The following CFAP221 variants were observed in gnomAD, a reference collection of about 807,000 sequenced individuals.
The protein encoded by CFAP221 is cilia- and flagella-associated protein 221.
Under a neutral mutation model 113.1 loss-of-function variants are expected in CFAP221, and 97 were observed. The observed-to-expected ratio is 0.86, with a 90% confidence interval of 0.73 to 1.02. CFAP221 has a LOEUF of 1.02. Ranked by LOEUF, CFAP221 falls within the 50% of genes least tolerant of loss-of-function variation. The pLI, the probability that CFAP221 is intolerant of heterozygous loss-of-function variation, is 0.00. For missense variants in CFAP221, 1,025 were observed against 1,013.4 expected, an observed-to-expected ratio of 1.01 and a Z score of -0.16; for synonymous variants, 331 against 354.4, an observed-to-expected ratio of 0.93 and a Z score of 0.74.
chr2:119,615,647 A>G lies in CFAP221; in HGVS notation c.1348A>G (p.Ile450Val). 1 of 1,612,542 alleles carries G rather than the reference A, an allele frequency of 6.2e-7. No homozygotes were observed. Among genetic ancestry groups the G allele is most frequent in the Non-Finnish European group, 8.5e-7 (1 of 1,179,346 alleles). ...ATTTCATCCTACTTTTGATCCACTC[A>G]TTAATAACACTTGGCTCAGCAGGTC... The part of the protein sequence containing the change: ...KEFHPTFDPL[I>V]NNTWLSRSRA... The change falls in exon 14 of 24, where the codon ATT (isoleucine) becomes GTT (valine). Residue 450 changes from isoleucine to valine, a missense_variant. Coordinates refer to ENST00000413369, the MANE Select transcript of CFAP221 (RefSeq NM_001271049.2).
chr2:119,607,360 T>C (rs1313891361), intron 11 of CFAP221, among the ~76,000 whole-genome samples: 1 of 152,158 alleles, frequency 6.6e-6, no homozygotes, highest in African/African-American at 2.4e-5. Flanking sequence ...ATCATACCAT[T>C]TGTATTTAGC....
At chr2:119,575,951 A>G (rs949535048) in intron 6 of CFAP221, among the ~76,000 whole-genome samples, 1 of 151,948 alleles carries the variant, frequency 6.6e-6, no homozygotes, top group Non-Finnish European at 1.5e-5. Flanking sequence ...TTTGTTCCCT[A>G]GTGTCTTCAG....
chr2:119,620,821 C>T (rs1685857403), intron 14 of CFAP221, among the ~76,000 whole-genome samples: 1 of 152,040 alleles, frequency 6.6e-6, no homozygotes, highest in African/African-American at 2.4e-5. Flanking sequence ...AGTCAAGACC[C>T]ATCAGTGTGG....
chr2:119,617,376 G>C (rs1444694364), intron 14 of CFAP221, among the ~76,000 whole-genome samples: 1 of 152,178 alleles, frequency 6.6e-6, no homozygotes, highest in Non-Finnish European at 1.5e-5. Flanking sequence ...ACATGCTCAG[G>C]GCAGGGAGCA....
chr2:119,558,439 G>A (rs773885362), intron 3 of CFAP221, among the ~76,000 whole-genome samples: 1 of 152,164 alleles, frequency 6.6e-6, no homozygotes, highest in African/African-American at 2.4e-5. Context: ...AACAAGTTTC[G>A]TAAGAAAGGG....
chr2:119,568,128 T>C (rs1681778690), intron 6 of CFAP221, among the ~76,000 whole-genome samples: 1 of 152,204 alleles, frequency 6.6e-6, no homozygotes, highest in Non-Finnish European at 1.5e-5. Flanking sequence ...TTCACTTATA[T>C]ATAAGTATAC....
In CFAP221 at chr2:119,631,296, G is replaced by T. The variant is rs573346154; in HGVS notation, c.1974+395G>T. Among the ~76,000 whole-genome samples, 5 of 152,236 alleles carry T rather than the reference G, an allele frequency of 3.3e-5. No homozygotes were observed. In the South Asian group the frequency reaches 1.0e-3, roughly 32 times the overall value. On this transcript the variant is annotated intron_variant, in intron 19 of 23. Coordinates refer to ENST00000413369, the MANE Select transcript of CFAP221 (RefSeq NM_001271049.2). ...GAAAAGTTTCAAGTTAATGTCCTAA[G>T]CTACCCCTTTAAAAAATTAGAAAAA...
Position 119,623,523 on chromosome 2 carries a change from A to G in CFAP221, c.1411-2060A>G, listed in dbSNP as rs578052606. ...CAGAATTAGAAAAAAACTACTTTAA[A>G]TTTCATTTGGAACCAAAAAAGAGCC... On this transcript the variant is annotated intron_variant, in intron 14 of 23. Transcript: ENST00000413369. Among the ~76,000 whole-genome samples the G allele has an allele frequency of 3.9e-5, 6 of 152,350 alleles. No homozygotes were observed. The East Asian group carries it at 1.2e-3, about 29-fold the overall frequency.
intron 6 of CFAP221, 128 bp downstream of exon 6, chr2:119,562,242 A>T: frequency 1.1e-5 from 5 of 453,542 alleles, no homozygotes; most frequent in Admixed American, 4.5e-5. Context: ...TGGACTTGTC[A>T]TTGTAAAAGG....
intron 13 of CFAP221, among the ~76,000 whole-genome samples, chr2:119,614,426 G>A (rs1003246491): frequency 6.6e-6 from 1 of 152,200 alleles, no homozygotes; most frequent in African/African-American, 2.4e-5. Context: ...AATTTATAAA[G>A]GAAAGAGGTT....
At chr2:119,652,877 T>C (rs559213357) in intron 23 of CFAP221, among the ~76,000 whole-genome samples, 25 of 149,968 alleles carry the variant, frequency 1.7e-4, no homozygotes, top group Non-Finnish European at 3.7e-4. Flanking sequence ...TTAAATATGA[T>C]AAAAACAACC....
At chr2:119,566,215 A>C (rs1681612453) in intron 6 of CFAP221, among the ~76,000 whole-genome samples, 1 of 152,168 alleles carries the variant, frequency 6.6e-6, no homozygotes, top group Non-Finnish European at 1.5e-5. Flanking sequence ...TGGAGTAGAA[A>C]AGAAGAGGGG....
chr2:119,617,653 C>A (rs115212048), intron 14 of CFAP221, among the ~76,000 whole-genome samples: 4,209 of 152,314 alleles, frequency 0.028, 73 homozygotes, highest in Non-Finnish European at 0.041. Context: ...CTAATCTCCT[C>A]AACTACAGCC....
chr2:119,601,811 A>G (rs190139678), intron 8 of CFAP221, among the ~76,000 whole-genome samples: 6 of 152,356 alleles, frequency 3.9e-5, no homozygotes, highest in Admixed American at 3.3e-4. Context: ...ATGGCCCACA[A>G]CCTCAAGAGA....
intron 19 of CFAP221, among the ~76,000 whole-genome samples, chr2:119,632,500 T>A (rs76887896): frequency 1.3e-5 from 2 of 152,214 alleles, no homozygotes; most frequent in East Asian, 1.9e-4. Flanking sequence ...CAAATAATGG[T>A]CATCTATTTA....
Position 119,655,385 on chromosome 2 carries a change from C to T in CFAP221, c.2415-977C>T, listed in dbSNP as rs192681689. Among the ~76,000 whole-genome samples the T allele has an allele frequency of 1.1e-4, 17 of 152,268 alleles. 1 individual carries two copies. The highest frequency in any genetic ancestry group is 5.9e-5 in the Non-Finnish European group (4 of 68,014). ...GAGACAGGATCTATATATTTTTAGACATGATTCCATAAAATGGTACCAATT... is the reference window on the plus strand; with the variant it reads ...GAGACAGGATCTATATATTTTTAGATATGATTCCATAAAATGGTACCAATT... On this transcript the variant is annotated intron_variant, in intron 23 of 23. Coordinates refer to ENST00000413369, the MANE Select transcript of CFAP221 (RefSeq NM_001271049.2).
Position 119,626,566 on chromosome 2 carries a change from G to T in CFAP221, c.1516+878G>T, listed in dbSNP as rs368437902. On this transcript the variant is annotated intron_variant, in intron 15 of 23. Transcript: ENST00000413369. The stretch of plus-strand genomic sequence containing the variant: ...CTTGCTGATTGACTGGCTGAATTTG[G>T]TATTTTCTCAACCTAGCATTTGCAC... 6.6e-4 allele frequency among the ~76,000 whole-genome samples: 100 copies of T among 152,206 alleles called. 2 individuals carry two copies. In the South Asian group the frequency reaches 0.02, roughly 30 times the overall value.
chr2:119,627,481 G>C (rs1297869813), intron 15 of CFAP221, among the ~76,000 whole-genome samples, 172 bp from the exon 16 acceptor site: 1 of 149,450 alleles, frequency 6.7e-6, no homozygotes, highest in East Asian at 2.0e-4. Context: ...AACCAGAAAG[G>C]AGGTTGAGGT....
At position 119,605,085 on chromosome 2, in the gene CFAP221, A is replaced by C; in HGVS notation, c.1025-96A>C. The C allele has an allele frequency of 2.8e-6, 4 of 1,452,192 alleles. No individual in the cohort carries two copies. The South Asian group carries it at 4.6e-5, about 17-fold the overall frequency. 90.0% of individuals were successfully genotyped at this position (1,452,192 alleles called of 1,614,324 possible). A position where few individuals can be genotyped will look rare whatever the true frequency, so the allele number is the denominator to read the frequency against. ...CCTATGAACAACAAAATTCAGTTAG[A>C]TTGCTGTTATGCCTCGCCATTAGAA... On this transcript the variant is annotated intron_variant, in intron 10 of 23. Coordinates refer to ENST00000413369, the MANE Select transcript of CFAP221 (RefSeq NM_001271049.2).
Sources: allele counts gnomAD v4.1 joint callset (sites outside exome capture counted in the v4.1 genomes callset), GRCh38; gene constraint gnomAD v4.1.1; transcripts MANE v1.5; gene names NCBI Gene and HGNC (gene_info 2026-07-23, HGNC 2026-07-21).